ATP13A4: variants seen among roughly 807,000 people sequenced by gnomAD.
ATP13A4 encodes probable cation-transporting ATPase 13A4.
A neutral mutation model predicts 142.5 loss-of-function variants in ATP13A4; 114 were observed. That is an observed-to-expected ratio of 0.80 (90% CI 0.69 to 0.93). The LOEUF is 0.93. Among genes scored for constraint, ATP13A4 ranks in the 40% least tolerant of loss-of-function variants. The pLI, the probability that ATP13A4 is intolerant of heterozygous loss-of-function variation, is 0.00. For missense variants in ATP13A4, 1,392 were observed against 1,454.0 expected, an observed-to-expected ratio of 0.96 and a Z score of 0.69; for synonymous variants, 488 against 514.8, an observed-to-expected ratio of 0.95 and a Z score of 0.70.
intron 18 of ATP13A4, among the ~76,000 whole-genome samples, chr3:193,443,625 A>G (rs975431384): frequency 3.9e-5 from 6 of 152,228 alleles, no homozygotes; most frequent in Non-Finnish European, 7.3e-5. Context: ...AATCTGGTCA[A>G]TTCTCAAGAA....
intron 1 of ATP13A4, among the ~76,000 whole-genome samples, chr3:193,523,508 T>C (rs1721834569): frequency 6.6e-6 from 1 of 152,158 alleles, no homozygotes; most frequent in Non-Finnish European, 1.5e-5. Context: ...ATTTAATCAG[T>C]TATGCCTGTG....
At chr3:193,483,821 G>T in intron 8 of ATP13A4, 115 bp downstream of exon 8, 2 of 973,482 alleles carry the variant, frequency 2.1e-6, no homozygotes, top group Non-Finnish European at 3.3e-6. Context: ...TTGAACAAAT[G>T]CCTAAGGAGA....
intron 1 of ATP13A4, among the ~76,000 whole-genome samples, chr3:193,525,806 G>A (rs1721970366): frequency 1.3e-5 from 2 of 152,276 alleles, no homozygotes; most frequent in African/African-American, 2.4e-5. Flanking sequence ...GAAAGTTTGT[G>A]CCTAAACAAG....
In ATP13A4 at chr3:193,491,331, C is replaced by A. The variant is rs780426559; in HGVS notation, c.601G>T (p.Glu201Ter). 4 of 1,594,950 alleles carry A rather than the reference C, an allele frequency of 2.5e-6. No homozygotes were observed. Among genetic ancestry groups the A allele is most frequent in the Non-Finnish European group, 3.4e-6 (4 of 1,162,984 alleles). Residue 201 changes from glutamate (E) to a stop codon, truncating the protein, a stop_gained and splice_region_variant, in exon 6 of 30, where the codon GAG becomes TAG. Coordinates refer to ENST00000342695, the MANE Select transcript of ATP13A4 (RefSeq NM_032279.4). LOFTEE classifies it high-confidence loss of function. ...AGAGAAAATGCTGGAGAAATTACCT[C>A]CTTGATGAGCAGTTTCCAAATTGGT... ...VTPIWKLLIK[E>*]VLNPFYIFQL... is the part of the protein sequence containing the mutation.
At chr3:193,483,142 AATATATT>A (rs1719389185) in intron 8 of ATP13A4, among the ~76,000 whole-genome samples, 1 of 152,172 alleles carries the variant, frequency 6.6e-6, no homozygotes, top group Non-Finnish European at 1.5e-5. Context: ...ATTAACCAAA[AATATATT>A]ATAAAAGACC....
intron 8 of ATP13A4, among the ~76,000 whole-genome samples, chr3:193,479,536 A>C (rs1247640995): frequency 1.3e-5 from 2 of 152,146 alleles, no homozygotes; most frequent in Non-Finnish European, 2.9e-5. Flanking sequence ...AAAATACAAT[A>C]AAATACTTAG....
intron 3 of ATP13A4, among the ~76,000 whole-genome samples, chr3:193,495,436 T>C (rs1490793052): frequency 2.0e-5 from 3 of 152,140 alleles, no homozygotes; most frequent in Non-Finnish European, 2.9e-5. Context: ...ATTCAACATA[T>C]GCAAATGAAT....
intron 1 of ATP13A4, among the ~76,000 whole-genome samples, chr3:193,532,467 T>G (rs150225443): frequency 6.7e-6 from 1 of 150,312 alleles, no homozygotes; most frequent in Non-Finnish European, 1.5e-5. Context: ...TGATTTTGAA[T>G]AAGGCTGAAG....
chr3:193,534,935 T>C (rs657235), intron 1 of ATP13A4, among the ~76,000 whole-genome samples: 108,513 of 151,776 alleles, frequency 0.71, 38,966 homozygotes, highest in African/African-American at 0.76. Context: ...AATAGTCAAA[T>C]CTGTAAAAAA....
intron 2 of ATP13A4, among the ~76,000 whole-genome samples, chr3:193,504,381 T>A (rs768214277): frequency 2.6e-5 from 4 of 152,212 alleles, no homozygotes; most frequent in Non-Finnish European, 4.4e-5. Context: ...TCAAAGCAGT[T>A]TTTAAGTAAG....
rs1240294430 is a variant in ATP13A4, at chr3:193,493,151, T to C, written c.391A>G (p.Ile131Val). Residue 131 changes from isoleucine (I) to valine (V), a missense_variant, in exon 4 of 30, where the codon ATC becomes GTC. Coordinates refer to ENST00000342695, the MANE Select transcript of ATP13A4 (RefSeq NM_032279.4). Reference sequence around the variant, plus strand: ...ACATATCTTATTTTCTGCACTTTGATGCATCTCACCTGCAAAAGAAAAGTA... The same window carrying C: ...ACATATCTTATTTTCTGCACTTTGACGCATCTCACCTGCAAAAGAAAAGTA... Reference protein sequence around the residue: ...IRKPDLKVRCIKVQKIRYVWN... With the variant: ...IRKPDLKVRCVKVQKIRYVWN... The C allele has an allele frequency of 6.2e-7, 1 of 1,612,774 alleles. No individual in the cohort carries two copies. Among genetic ancestry groups the C allele is most frequent in the East Asian group, 2.2e-5 (1 of 44,782 alleles).
rs139646282 is a variant in ATP13A4 at position 193,503,148 on chromosome 3, C to T, written c.235-509G>A. On this transcript the variant is annotated intron_variant, in intron 2 of 29. Transcript: ENST00000342695. ...TAGACTACCTGGAATGCAGGGATCA[C>T]GTTTTATTGTTCCTTATCTCCCATT... Among the ~76,000 whole-genome samples the T allele has an allele frequency of 1.7e-3, 256 of 152,252 alleles. 1 individual carries two copies. Among genetic ancestry groups the T allele is most frequent in the African/African-American group, 4.9e-3 (204 of 41,552 alleles).
At chr3:193,405,153 G>A (rs1330818894) in intron 29 of ATP13A4, among the ~76,000 whole-genome samples, 2 of 152,186 alleles carry the variant, frequency 1.3e-5, no homozygotes, top group East Asian at 1.9e-4. Flanking sequence ...ACCCACCCAC[G>A]TAGATTACCC....
chr3:193,507,522 G>A (rs567223462), intron 2 of ATP13A4, among the ~76,000 whole-genome samples: 4 of 151,324 alleles, frequency 2.6e-5, no homozygotes, highest in Non-Finnish European at 5.9e-5. Context: ...AGTATATGTT[G>A]TCCAAAAAAA....
At chr3:193,530,134 A>T (rs746399613) in intron 1 of ATP13A4, among the ~76,000 whole-genome samples, 1 of 152,070 alleles carries the variant, frequency 6.6e-6, no homozygotes, top group East Asian at 1.9e-4. Context: ...ATGTCCTATA[A>T]CTACTCACCA....
chr3:193,411,620 A>G (rs1714770203), intron 27 of ATP13A4, among the ~76,000 whole-genome samples: 1 of 152,180 alleles, frequency 6.6e-6, no homozygotes, highest in African/African-American at 2.4e-5. Flanking sequence ...TATACAAATA[A>G]ATGTCTTGAA....
At chr3:193,523,868 C>A (rs891237609) in intron 1 of ATP13A4, among the ~76,000 whole-genome samples, 1 of 152,078 alleles carries the variant, frequency 6.6e-6, no homozygotes, top group Non-Finnish European at 1.5e-5. Flanking sequence ...TAGATGAATG[C>A]CCTCTCAGAG....
At chr3:193,496,967 A>G (rs1720272476) in intron 3 of ATP13A4, among the ~76,000 whole-genome samples, 1 of 152,102 alleles carries the variant, frequency 6.6e-6, no homozygotes, top group South Asian at 2.1e-4. Flanking sequence ...TAAAACTACT[A>G]AAAGAAAATA....
At chr3:193,506,239 A>C (rs1720855354) in intron 2 of ATP13A4, among the ~76,000 whole-genome samples, 1 of 152,204 alleles carries the variant, frequency 6.6e-6, no homozygotes. Flanking sequence ...AAAATACTTA[A>C]ATGTACCAGA....
Sources: gnomAD v4.1 joint callset for allele counts (sites outside exome capture counted in the v4.1 genomes callset) on GRCh38, gnomAD v4.1.1 for gene constraint, MANE v1.5 for transcripts, NCBI Gene and HGNC (gene_info 2026-07-23, HGNC 2026-07-21) for gene names.